The following RPTOR variants were observed in gnomAD, a reference collection of about 807,000 sequenced individuals.
RPTOR encodes the protein regulatory associated protein of MTOR complex 1.
In RPTOR, 21 loss-of-function variants were observed where a neutral mutation model predicts 169.9. That is an observed-to-expected ratio of 0.12 (90% CI 0.09 to 0.18). The LOEUF (loss-of-function observed/expected upper bound fraction) is 0.18, where lower values mean the gene tolerates loss of function less well. RPTOR is among the 10% of genes least tolerant of loss of function. The pLI, the probability that RPTOR is intolerant of heterozygous loss-of-function variation, is 1.00. For synonymous variants in RPTOR, 732 were observed against 753.2 expected (o/e 0.97, Z 0.46); for missense variants, 1,133 against 1,855.9 (o/e 0.61, Z 7.16).
chr17:80,939,270 A>C (rs2068993358), intron 24 of RPTOR, among the ~76,000 whole-genome samples: 2 of 152,238 alleles, frequency 1.3e-5, no homozygotes, highest in Non-Finnish European at 2.9e-5. Flanking sequence ...AAAGTCAATT[A>C]AATCCTAGTT....
chr17:80,832,673 C>G (rs1168491687), intron 9 of RPTOR, among the ~76,000 whole-genome samples: 1 of 152,182 alleles, frequency 6.6e-6, no homozygotes, highest in Non-Finnish European at 1.5e-5. Context: ...GAGGTGGGCT[C>G]CTCACCATGG....
At chr17:80,831,843 A>G (rs1023378497) in intron 9 of RPTOR, among the ~76,000 whole-genome samples, 1 of 27,170 alleles carries the variant, frequency 3.7e-5, no homozygotes, top group Admixed American at 3.9e-4. Context: ...GTCACTGTGT[A>G]TCCCTGTGTG....
chr17:80,717,876 A>G (rs533869028), intron 4 of RPTOR, among the ~76,000 whole-genome samples: 6 of 152,316 alleles, frequency 3.9e-5, no homozygotes, highest in African/African-American at 7.2e-5. Context: ...GTTTCAGGCA[A>G]TTAGGACTGG....
intron 1 of RPTOR, among the ~76,000 whole-genome samples, chr17:80,625,442 C>T (rs140224746): frequency 6.6e-5 from 10 of 152,122 alleles, no homozygotes; most frequent in African/African-American, 2.2e-4. Context: ...CATAAGGAAG[C>T]CTGAGAATAG....
chr17:80,679,375 G>A (rs1335216003), intron 3 of RPTOR, among the ~76,000 whole-genome samples: 1 of 152,222 alleles, frequency 6.6e-6, no homozygotes, highest in East Asian at 1.9e-4. Context: ...CGGGAGGAAA[G>A]AGGCTTCCGC....
Position 80,633,929 on chromosome 17 carries a change from T to C in RPTOR, c.265+8136T>C, listed in dbSNP as rs1253997302. ...CTTACTTTGTCTCATCTAGTCTTTT[T>C]CCCAGCCTCATTCCTCTTAGTGGAA... On this transcript the variant is annotated intron_variant, in intron 2 of 33. Transcript: ENST00000306801. The surrounding 1 kb of genome is among the most constrained non-coding windows in gnomAD (Gnocchi z 4.1). 2.0e-5 allele frequency among the ~76,000 whole-genome samples: 3 copies of C among 152,192 alleles called. No individual in the cohort carries two copies. The highest frequency in any genetic ancestry group is 4.8e-5 in the African/African-American group (2 of 41,426).
At chr17:80,857,638 G>C in intron 12 of RPTOR, 152 bp from the exon 13 acceptor site, 1 of 583,738 alleles carries the variant, frequency 1.7e-6, no homozygotes, top group Non-Finnish European at 3.1e-6. Context: ...TCTGGAGGAA[G>C]CCCCTCTTTA....
rs937274567 is a variant in RPTOR, at chr17:80,659,491, C to G, written c.348+15681C>G. 1.3e-5 allele frequency among the ~76,000 whole-genome samples: 2 copies of G among 152,052 alleles called. No homozygotes were observed. Among genetic ancestry groups the G allele is most frequent in the Non-Finnish European group, 2.9e-5 (2 of 68,016 alleles). ...GGACTACAGGTATGCGACACCATAC[C>G]TGGCTAATTTTTATTTTTATTTATT... On this transcript the variant is annotated intron_variant, in intron 3 of 33. Transcript: ENST00000306801. This position sits in a 1 kb window ranked among gnomAD's most constrained non-coding sequence, Gnocchi z 4.3.
intron 1 of RPTOR, chr17:80,602,902 C>T (rs1342513871): frequency 2.2e-5 from 10 of 463,114 alleles, no homozygotes; most frequent in South Asian, 6.6e-5. Flanking sequence ...TTTTTCTTCT[C>T]GCCATCCTTT....
intron 13 of RPTOR, among the ~76,000 whole-genome samples, chr17:80,859,870 G>A (rs1037670681): frequency 3.9e-5 from 6 of 152,218 alleles, no homozygotes; most frequent in South Asian, 2.1e-4. Flanking sequence ...GTGAGGCGCC[G>A]CCCACAGGAG....
At position 80,958,405 on chromosome 17, in the gene RPTOR, C is replaced by CTTTTTTTT. The variant is rs34955105; in HGVS notation, c.3477+691_3477+698dup. The stretch of plus-strand genomic sequence containing the variant: ...TACAGAAGACAGAAGATTTTTGTTT[C>CTTTTTTTT]TTTTTTTTTTTTTTTTTTTTTTTGA... On this transcript the variant is annotated intron_variant, in intron 29 of 33. Transcript: ENST00000306801. Among the ~76,000 whole-genome samples the CTTTTTTTT allele has an allele frequency of 8.1e-4, 68 of 83,646 alleles. 2 individuals carry two copies. The highest frequency in any genetic ancestry group is 3.4e-3 in the African/African-American group (64 of 18,940). The allele number at this position is 83,646 out of a possible 152,430, so 54.9% of individuals were successfully genotyped here. A position where few individuals can be genotyped will look rare whatever the true frequency, so the allele number is the denominator to read the frequency against.
intron 1 of RPTOR, among the ~76,000 whole-genome samples, chr17:80,604,932 CTT>C (rs35612700): frequency 6.7e-6 from 1 of 149,156 alleles, no homozygotes; most frequent in East Asian, 2.0e-4. Flanking sequence ...TTTTTTTCCC[CTT>C]TTTTTTTTGA....
At chr17:80,656,415 C>T (rs879444609) in intron 3 of RPTOR, among the ~76,000 whole-genome samples, 1 of 152,164 alleles carries the variant, frequency 6.6e-6, no homozygotes, top group Admixed American at 6.5e-5. Flanking sequence ...GAATCTAACT[C>T]CAGAATAAAA....
intron 21 of RPTOR, among the ~76,000 whole-genome samples, chr17:80,918,440 GC>G (rs2068701497): frequency 3.2e-5 from 4 of 124,248 alleles, no homozygotes; most frequent in African/African-American, 1.3e-4. Flanking sequence ...GAGCACCCTC[GC>G]CGGAGTCATA....
In RPTOR at chr17:80,675,272, A is replaced by G. The variant is rs142206837; in HGVS notation, c.348+31462A>G. The stretch of plus-strand genomic sequence containing the variant: ...AATGTCCTTTTAAATTTTGACAGTT[A>G]TTTTCCTTTGAAATTGAAGTATGTG... On this transcript the variant is annotated intron_variant, in intron 3 of 33. Transcript: ENST00000306801. Among the ~76,000 whole-genome samples the G allele has an allele frequency of 3.7e-4, 57 of 152,190 alleles. No individual in the cohort carries two copies. The East Asian group carries it at 9.6e-3, about 26-fold the overall frequency.
chr17:80,636,910 G>A (rs567406499), intron 2 of RPTOR, among the ~76,000 whole-genome samples: 4 of 152,322 alleles, frequency 2.6e-5, no homozygotes, highest in South Asian at 4.1e-4. Flanking sequence ...CCCCACTGCC[G>A]GGCATGTAGC....
intron 7 of RPTOR, among the ~76,000 whole-genome samples, chr17:80,800,674 G>A (rs1301164087): frequency 6.6e-6 from 1 of 152,146 alleles, no homozygotes; most frequent in East Asian, 1.9e-4. Context: ...TGAGAGAGTG[G>A]CAATAAGATC....
At chr17:80,550,104 A>G (rs1014465490) in intron 1 of RPTOR, among the ~76,000 whole-genome samples, 1 of 152,094 alleles carries the variant, frequency 6.6e-6, no homozygotes, top group Admixed American at 6.5e-5. Flanking sequence ...GCAATCCTTC[A>G]TAATCTACAC....
intron 8 of RPTOR, among the ~76,000 whole-genome samples, 200 bp from the exon 9 acceptor site, chr17:80,822,879 A>G (rs1208443611): frequency 1.3e-5 from 2 of 152,034 alleles, no homozygotes; most frequent in Non-Finnish European, 2.9e-5. Context: ...GCATGTGTGC[A>G]TGTGTGTACA....
Sources: gnomAD v4.1 joint callset for allele counts (sites outside exome capture counted in the v4.1 genomes callset) on GRCh38, gnomAD v4.1.1 for gene constraint, Gnocchi (gnomAD v3.1) non-coding constraint, MANE v1.5 for transcripts, NCBI Gene and HGNC (gene_info 2026-07-23, HGNC 2026-07-21) for gene names.